Variants in MAN2B1 observed in about 807,000 individuals in gnomAD.
MAN2B1 encodes mannosidase alpha class 2B member 1.
MAN2B1 carries 99 observed loss-of-function variants against 127.5 expected under a neutral mutation model. The ratio of observed to expected loss-of-function variants is 0.78; its 90% CI spans 0.66 to 0.92. The LOEUF (loss-of-function observed/expected upper bound fraction) is 0.92, where lower values mean the gene tolerates loss of function less well. Ranked by LOEUF, MAN2B1 falls within the 40% of genes least tolerant of loss-of-function variation. The pLI is 0.00. For synonymous variants in MAN2B1, 573 were observed against 568.8 expected, an observed-to-expected ratio of 1.01 and a Z score of -0.11; for missense variants, 1,304 against 1,384.8, an observed-to-expected ratio of 0.94 and a Z score of 0.93.
At chr19:12,658,694 C>T in intron 7 of MAN2B1, 184 bp from the exon 8 acceptor site, 3 of 621,958 alleles carry the variant, frequency 4.8e-6, no homozygotes, top group Non-Finnish European at 8.6e-6. Context: ...TGACCACTAG[C>T]CTTTTTTAAA....
intron 1 of MAN2B1, 147 bp from the exon 2 acceptor site, chr19:12,665,952 C>G (rs1011290491): frequency 1.4e-6 from 1 of 704,202 alleles, no homozygotes; most frequent in African/African-American, 1.7e-5. Flanking sequence ...AGGCAGGACA[C>G]ACACATACAT....
chr19:12,658,611 G>A, intron 7 of MAN2B1, 101 bp from the exon 8 acceptor site: 1 of 1,070,474 alleles, frequency 9.3e-7, no homozygotes, highest in Non-Finnish European at 1.4e-6. Flanking sequence ...CATAGGTTCA[G>A]TTTCTCTAAA....
chr19:12,657,574 T>A lies in MAN2B1; in HGVS notation c.1310-19A>T. 6.5e-7 allele frequency: 1 copy of A among 1,544,606 alleles called. No individual in the cohort carries two copies. The highest frequency in any genetic ancestry group is 8.8e-7 in the Non-Finnish European group (1 of 1,140,512). On this transcript the variant is annotated intron_variant, in intron 10 of 23. Coordinates refer to ENST00000456935, the MANE Select transcript of MAN2B1 (RefSeq NM_000528.4). The stretch of plus-strand genomic sequence containing the variant: ...GCCTCATCTGCTCATAGACAATGAG[T>A]CCGGTGAGGTTCTGTGGGACTCAGC...
rs762375074 is a variant in MAN2B1 at position 12,658,287 on chromosome 19, G to T, written c.1167C>A (p.Thr389=). ...PYADGPHQFW[T]GYFSSRPALK... is the part of the protein sequence containing the mutation. Reference sequence around the variant, plus strand: ...GGGCCGGCCGACTGGAAAAGTAACCGGTCCAGAACTGGTGGGGGCCATCCG... The same window carrying T: ...GGGCCGGCCGACTGGAAAAGTAACCTGTCCAGAACTGGTGGGGGCCATCCG... Residue 389 remains threonine, a synonymous_variant, in exon 9 of 24, where the codon ACC becomes ACA. Transcript: ENST00000456935. 3 of 1,614,064 alleles carry T rather than the reference G, an allele frequency of 1.9e-6. No homozygotes were observed. Among genetic ancestry groups the T allele is most frequent in the African/African-American group, 1.3e-5 (1 of 74,922 alleles).
At position 12,664,857 on chromosome 19, in the gene MAN2B1, G is replaced by T. The variant is rs750137512; in HGVS notation, c.565C>A (p.Pro189Thr). Residue 189 changes from proline (P) to threonine (T), a missense_variant, in exon 4 of 24, where the codon CCC becomes ACC. By Grantham distance (38) the Pro-to-Thr change is conservative. Coordinates refer to ENST00000456935, the MANE Select transcript of MAN2B1 (RefSeq NM_000528.4). The stretch of plus-strand genomic sequence containing the variant: ...GGGTCAATGTGCCAGGCCACACGGG[G>T]TCGCCCATCATTGCCAAATGTGTCC... ...LEDTFGNDGR[P>T]RVAWHIDPFG... 9.9e-6 allele frequency: 16 copies of T among 1,613,928 alleles called. No homozygotes were observed. The East Asian group carries it at 3.6e-4, about 36-fold the overall frequency.
rs758438448 is a variant in MAN2B1 at position 12,658,089 on chromosome 19, T to C, written c.1283A>G (p.Tyr428Cys). 35 of 1,610,330 alleles carry C rather than the reference T, an allele frequency of 2.2e-5. No individual in the cohort carries two copies. The highest frequency in any genetic ancestry group is 2.8e-5 in the Non-Finnish European group (33 of 1,178,928). Reference sequence around the variant, plus strand: ...GAGGGGTGCACTGTCTCCGGAGCCATAGGGTCCCACGTTGGCCGCCAGGCC... The same window carrying C: ...GAGGGGTGCACTGTCTCCGGAGCCACAGGGTCCCACGTTGGCCGCCAGGCC... ...LVGLAANVGPYGSGDSAPLNE... is the reference protein window; with the variant it reads ...LVGLAANVGPCGSGDSAPLNE... Residue 428 changes from tyrosine to cysteine, a missense_variant, in exon 10 of 24, where the codon TAT (tyrosine) becomes TGT (cysteine). Physicochemically the swap from Tyr to Cys is radical, Grantham distance 194. Coordinates refer to ENST00000456935, the MANE Select transcript of MAN2B1 (RefSeq NM_000528.4).
In MAN2B1 at chr19:12,647,648, G is replaced by A. The variant is rs749379616; in HGVS notation, c.2665-50C>T. Reference sequence around the variant, plus strand: ...GTTGGAGAGGGGCGGGGCCTGGATGGAGAAGGGCGGGGCCGAGCCAGGTCA... The same window carrying A: ...GTTGGAGAGGGGCGGGGCCTGGATGAAGAAGGGCGGGGCCGAGCCAGGTCA... On this transcript the variant is annotated intron_variant, in intron 21 of 23. Transcript: ENST00000456935. The surrounding 1 kb of genome is among the most constrained non-coding windows in gnomAD (Gnocchi z 4.9). 3.9e-6 allele frequency: 6 copies of A among 1,547,632 alleles called. No homozygotes were observed. The highest frequency in any genetic ancestry group is 5.3e-6 in the Non-Finnish European group (6 of 1,138,356).
At chr19:12,664,645 T>C in intron 4 of MAN2B1, 147 bp downstream of exon 4, 9 of 879,604 alleles carry the variant, frequency 1.0e-5, no homozygotes, top group East Asian at 5.3e-5. Context: ...CCACTGGCTT[T>C]ACGGCTCACT....
At chr19:12,655,643 C>T (rs1485257016) in intron 14 of MAN2B1, 51 bp downstream of exon 14, 2 of 1,574,086 alleles carry the variant, frequency 1.3e-6, no homozygotes, top group East Asian at 2.2e-5. Flanking sequence ...CTCACCATGA[C>T]ACTTCAAATT....
Position 12,656,019 on chromosome 19 carries a change from G to A in MAN2B1, c.1645-140C>T, listed in dbSNP as rs2023946022. On this transcript the variant is annotated intron_variant, in intron 13 of 23. Transcript: ENST00000456935. ...GGTGTGTGTGGTGGGGGGACAGTCA[G>A]ATTCCAAGGAAATGATTGCAGAGAA... is the stretch of plus-strand genomic sequence containing the variant. 5 of 662,976 alleles carry A rather than the reference G, an allele frequency of 7.5e-6. No individual in the cohort carries two copies. In the South Asian group the frequency reaches 8.7e-5, roughly 12 times the overall value. 41.1% of individuals were successfully genotyped at this position (662,976 alleles called of 1,614,324 possible).
chr19:12,659,188 A>C (rs953688127), intron 7 of MAN2B1, among the ~76,000 whole-genome samples: 1 of 151,952 alleles, frequency 6.6e-6, no homozygotes, highest in East Asian at 1.9e-4. Flanking sequence ...ATGGAGGTGC[A>C]CTTTCACCTG....
Position 12,658,647 on chromosome 19 carries a change from G to A in MAN2B1, c.1027-137C>T, listed in dbSNP as rs1489954201. On this transcript the variant is annotated intron_variant, in intron 7 of 23. Coordinates refer to ENST00000456935, the MANE Select transcript of MAN2B1 (RefSeq NM_000528.4). The stretch of plus-strand genomic sequence containing the variant: ...TACATATTTGGCGTGCAAGCCAATG[G>A]TTGGGTGTGAAAATGAATTTTGGCT... 4.7e-5 allele frequency: 38 copies of A among 807,604 alleles called. No homozygotes were observed. In the East Asian group the frequency reaches 8.1e-4, roughly 17 times the overall value. The allele number at this position is 807,604 out of a possible 1,614,324, so 50.0% of individuals were successfully genotyped here.
chr19:12,658,064 GA>G lies in MAN2B1; in HGVS notation c.1307del (p.Leu436ProfsTer41). On this transcript the variant is annotated frameshift_variant and splice_region_variant, in exon 10 of 24. Transcript: ENST00000456935. LOFTEE classifies it high-confidence loss of function. Reference protein sequence around the residue: ...GPYGSGDSAPLNEAMAVLQHH... With the variant: ...GPYGSGDSAPXNEAMAVLQHH... ...TCCCCTCTTGGGCCCGACACTTACT[GA>G]GGGGTGCACTGTCTCCGGAGCCATA... 1 of 1,613,022 alleles carries G rather than the reference GA, an allele frequency of 6.2e-7. No homozygotes were observed. Among genetic ancestry groups the G allele is most frequent in the Non-Finnish European group, 8.5e-7 (1 of 1,179,846 alleles).
intron 12 of MAN2B1, 113 bp from the exon 13 acceptor site, chr19:12,656,800 C>G: frequency 9.4e-7 from 1 of 1,063,380 alleles, no homozygotes; most frequent in Non-Finnish European, 1.5e-6. Context: ...GCACTTAAGG[C>G]CAAGCCCCCT....
At chr19:12,649,847 C>G in intron 18 of MAN2B1, 66 bp downstream of exon 18, 1 of 1,323,074 alleles carries the variant, frequency 7.6e-7, no homozygotes. Context: ...CAGCAAATTT[C>G]CCTCACCACC....
At position 12,664,845 on chromosome 19, in the gene MAN2B1, A is replaced by G; in HGVS notation, c.577T>C (p.Trp193Arg). 6.2e-7 allele frequency: 1 copy of G among 1,614,048 alleles called. No individual in the cohort carries two copies. The highest frequency in any genetic ancestry group is 8.5e-7 in the Non-Finnish European group (1 of 1,179,980). ...FGNDGRPRVA[W>R]HIDPFGHSRE... Reference sequence around the variant, plus strand: ...GAGTGGCCGAAGGGGTCAATGTGCCAGGCCACACGGGGTCGCCCATCATTG... The same window carrying G: ...GAGTGGCCGAAGGGGTCAATGTGCCGGGCCACACGGGGTCGCCCATCATTG... Residue 193 changes from tryptophan (W) to arginine (R), a missense_variant, in exon 4 of 24, where the codon TGG becomes CGG. Trp to Arg is a moderately radical substitution (Grantham distance 101, BLOSUM62 -3). Transcript: ENST00000456935.
chr19:12,647,368 G>A lies in MAN2B1; in HGVS notation c.2821-33C>T, dbSNP rs779879898. The A allele has an allele frequency of 6.2e-7, 1 of 1,611,852 alleles. No homozygotes were observed. The highest frequency in any genetic ancestry group is 8.5e-7 in the Non-Finnish European group (1 of 1,177,966). On this transcript the variant is annotated intron_variant, in intron 22 of 23. Coordinates refer to ENST00000456935, the MANE Select transcript of MAN2B1 (RefSeq NM_000528.4). The surrounding 1 kb of genome is among the most constrained non-coding windows in gnomAD (Gnocchi z 4.9). Reference sequence around the variant, plus strand: ...GAAGGGGATGGGCCCAGATGAGTTGGGGCAAAGCCAGGTTTCTCTTCTCTC... The same window carrying A: ...GAAGGGGATGGGCCCAGATGAGTTGAGGCAAAGCCAGGTTTCTCTTCTCTC...
At chr19:12,652,108 A>G (rs758401604) in intron 16 of MAN2B1, 45 bp downstream of exon 16, 4 of 1,474,056 alleles carry the variant, frequency 2.7e-6, no homozygotes, top group Non-Finnish European at 3.8e-6. Flanking sequence ...GGGCTCCATA[A>G]CTTCCCCATT....
At chr19:12,649,880 A>C in intron 18 of MAN2B1, 33 bp downstream of exon 18, 16 of 1,523,416 alleles carry the variant, frequency 1.1e-5, no homozygotes, top group Non-Finnish European at 1.3e-5. Flanking sequence ...CACACCACAG[A>C]CCACCCCCTC....
Sources: gnomAD v4.1 joint callset for allele counts (sites outside exome capture counted in the v4.1 genomes callset) on GRCh38, gnomAD v4.1.1 for gene constraint, Gnocchi (gnomAD v3.1) non-coding constraint, MANE v1.5 for transcripts, NCBI Gene and HGNC (gene_info 2026-07-23, HGNC 2026-07-21) for gene names.